NPNT: variants seen among roughly 807,000 people sequenced by gnomAD.
NPNT encodes preosteoblast EGF-like repeat protein with MAM domain.
NPNT carries 45 observed loss-of-function variants against 68.6 expected under a neutral mutation model. The observed-to-expected ratio is 0.66, with a 90% confidence interval of 0.52 to 0.84. The LOEUF (loss-of-function observed/expected upper bound fraction) is 0.84, where lower values mean the gene tolerates loss of function less well. Ranked by LOEUF, NPNT falls within the 40% of genes least tolerant of loss-of-function variation. The pLI is 0.00. For synonymous variants in NPNT, 233 were observed against 253.3 expected, an observed-to-expected ratio of 0.92 and a Z score of 0.76; for missense variants, 672 against 714.8, an observed-to-expected ratio of 0.94 and a Z score of 0.68.
chr4:105,928,208 A>G lies in NPNT; in HGVS notation c.265+780A>G, dbSNP rs185725851. Among the ~76,000 whole-genome samples the G allele has an allele frequency of 9.2e-4, 140 of 152,200 alleles. 1 individual carries two copies. The highest frequency in any genetic ancestry group is 1.3e-3 in the Non-Finnish European group (90 of 68,036). On this transcript the variant is annotated intron_variant, in intron 3 of 11. Transcript: ENST00000379987. ...TAGAGCTATGGCATATATAATCCAT[A>G]TTTTTTCTACTATACTAGTTTTGGA...
intron 2 of NPNT, among the ~76,000 whole-genome samples, chr4:105,902,291 A>G (rs1241558142): frequency 6.6e-6 from 1 of 152,222 alleles, no homozygotes; most frequent in African/African-American, 2.4e-5. Context: ...ATACTAGTAA[A>G]TGCCTTTCTA....
chr4:105,902,080 A>G (rs1726468041), intron 2 of NPNT, among the ~76,000 whole-genome samples: 1 of 152,240 alleles, frequency 6.6e-6, no homozygotes, highest in African/African-American at 2.4e-5. Context: ...TCAGTCTTAT[A>G]AATGGAACAT....
chr4:105,937,152 T>G (rs367578166), intron 4 of NPNT, 24 bp downstream of exon 4: 4 of 1,611,218 alleles, frequency 2.5e-6, no homozygotes, highest in South Asian at 1.1e-5. Flanking sequence ...CTTAACTGTT[T>G]TATAAGTGCT....
intron 3 of NPNT, chr4:105,929,376 C>A (rs1214832575): frequency 6.6e-6 from 1 of 152,226 alleles, no homozygotes; most frequent in South Asian, 2.1e-4. Flanking sequence ...AGCTGCTATT[C>A]TAAAGTGTGT....
chr4:105,940,736 G>A (rs1729881087), intron 7 of NPNT, 100 bp downstream of exon 7: 1 of 1,048,688 alleles, frequency 9.5e-7, no homozygotes, highest in Non-Finnish European at 1.4e-6. Flanking sequence ...TATCAAAGAA[G>A]TATAATTGTC....
intron 10 of NPNT, among the ~76,000 whole-genome samples, chr4:105,960,330 C>G (rs1000821091): frequency 6.6e-6 from 1 of 152,210 alleles, no homozygotes; most frequent in Non-Finnish European, 1.5e-5. Flanking sequence ...CTCATGATAT[C>G]TTAAACCAGC....
intron 3 of NPNT, among the ~76,000 whole-genome samples, chr4:105,936,495 G>A (rs1385579693): frequency 6.6e-6 from 1 of 152,106 alleles, no homozygotes; most frequent in Non-Finnish European, 1.5e-5. Context: ...TATACTTCCT[G>A]TAAAGTAAAA....
chr4:105,897,517 C>A (rs1368700753), intron 1 of NPNT, among the ~76,000 whole-genome samples: 1 of 152,150 alleles, frequency 6.6e-6, no homozygotes, highest in Non-Finnish European at 1.5e-5. Flanking sequence ...ATCAGTCAAA[C>A]CTGGCTTTCA....
chr4:105,918,040 A>G (rs1727958284), intron 2 of NPNT, among the ~76,000 whole-genome samples: 1 of 152,204 alleles, frequency 6.6e-6, no homozygotes, highest in African/African-American at 2.4e-5. Context: ...GATGTTGGAC[A>G]CAGAAAGACT....
chr4:105,932,629 C>T, intron 3 of NPNT: 1 of 1,535,816 alleles, frequency 6.5e-7, no homozygotes, highest in Non-Finnish European at 8.7e-7. Flanking sequence ...CACATCCCAG[C>T]TCCTCTTGAC....
At chr4:105,936,012 T>A (rs369953043) in intron 3 of NPNT, among the ~76,000 whole-genome samples, 25 of 152,354 alleles carry the variant, frequency 1.6e-4, no homozygotes, top group African/African-American at 5.3e-4. Flanking sequence ...CAGACAAACA[T>A]GTGGTCACAT....
Position 105,912,449 on chromosome 4 carries a change from G to A in NPNT, c.172+14448G>A, listed in dbSNP as rs28655633. 8.7e-3 allele frequency: 4,023 copies of A among 463,044 alleles called. 123 individuals carry two copies. Among genetic ancestry groups the A allele is most frequent in the African/African-American group, 0.068 (3,299 of 48,504 alleles). 28.7% of individuals were successfully genotyped at this position (463,044 alleles called of 1,614,324 possible). ...TTCCATTATTACATTAAACTTTTCC[G>A]TTTCAGTTGATTATTCCTTTCTTCT... On this transcript the variant is annotated intron_variant, in intron 2 of 11. Coordinates refer to ENST00000379987, the MANE Select transcript of NPNT (RefSeq NM_001033047.3).
rs559082045 is a variant in NPNT, at chr4:105,960,016, T to G, written c.1345+890T>G. On this transcript the variant is annotated intron_variant, in intron 10 of 11. Transcript: ENST00000379987. Reference sequence around the variant, plus strand: ...TAGTAGAGACTAGGTTTCACCCTGTTAGCCAGGATGGTCTCGATCTCCTGA... The same window carrying G: ...TAGTAGAGACTAGGTTTCACCCTGTGAGCCAGGATGGTCTCGATCTCCTGA... Among the ~76,000 whole-genome samples, 3 of 152,250 alleles carry G rather than the reference T, an allele frequency of 2.0e-5. No homozygotes were observed. The South Asian group carries it at 6.2e-4, about 32-fold the overall frequency.
intron 10 of NPNT, 87 bp from the exon 11 acceptor site, chr4:105,967,101 A>C: frequency 7.2e-7 from 1 of 1,389,416 alleles, no homozygotes; most frequent in Non-Finnish European, 9.8e-7. Flanking sequence ...AAAAGAAAAA[A>C]AAAAAAAAAC....
intron 1 of NPNT, among the ~76,000 whole-genome samples, chr4:105,896,363 C>T (rs1725844018): frequency 6.6e-6 from 1 of 152,082 alleles, no homozygotes; most frequent in African/African-American, 2.4e-5. Context: ...CAGACTCGGG[C>T]GAGCCTGACG....
intron 8 of NPNT, among the ~76,000 whole-genome samples, chr4:105,956,614 A>G (rs1411613516): frequency 1.3e-5 from 2 of 152,318 alleles, no homozygotes; most frequent in Non-Finnish European, 2.9e-5. Flanking sequence ...TGATTGTTCT[A>G]TGGAGTTTTT....
At chr4:105,967,812 C>T (rs1732293555) in intron 11 of NPNT, among the ~76,000 whole-genome samples, 1 of 151,762 alleles carries the variant, frequency 6.6e-6, no homozygotes, top group Middle Eastern at 3.2e-3. Context: ...CTTTTAATTC[C>T]TTAGATTTCA....
intron 6 of NPNT, 83 bp downstream of exon 6, chr4:105,940,292 CA>C (rs1729833987): frequency 7.2e-7 from 1 of 1,386,250 alleles, no homozygotes; most frequent in South Asian, 1.2e-5. Context: ...GCTGGAATGT[CA>C]GGGGCAGGGG....
At chr4:105,926,429 G>C (rs1360387872) in intron 2 of NPNT, among the ~76,000 whole-genome samples, 1 of 152,030 alleles carries the variant, frequency 6.6e-6, no homozygotes, top group African/African-American at 2.4e-5. Flanking sequence ...TTGTTGTGGC[G>C]GGTTGTCTGA....
Sources: gnomAD v4.1 joint callset for allele counts (sites outside exome capture counted in the v4.1 genomes callset) on GRCh38, gnomAD v4.1.1 for gene constraint, MANE v1.5 for transcripts, NCBI Gene and HGNC (gene_info 2026-07-23, HGNC 2026-07-21) for gene names.